The following TRAF4 variants were observed in gnomAD, a reference collection of about 807,000 sequenced individuals.
TRAF4 encodes TNF receptor-associated factor 4.
In TRAF4, 9 loss-of-function variants were observed where a neutral mutation model predicts 47.3. The ratio of observed to expected loss-of-function variants is 0.19; its 90% CI spans 0.11 to 0.33. The LOEUF (loss-of-function observed/expected upper bound fraction) is 0.33, where lower values mean the gene tolerates loss of function less well. Among genes scored for constraint, TRAF4 ranks in the 10% least tolerant of loss-of-function variants. The pLI, the probability that TRAF4 is intolerant of heterozygous loss-of-function variation, is 1.00. For missense variants in TRAF4, 448 were observed against 620.3 expected, an observed-to-expected ratio of 0.72 and a Z score of 2.95; for synonymous variants, 236 against 236.9, an observed-to-expected ratio of 1.00 and a Z score of 0.04.
Position 28,748,088 on chromosome 17 carries a change from T to C in TRAF4, c.372T>C (p.Arg124=), listed in dbSNP as rs1303432241. ...PNRCPMKLSR[R]DLPAHLQHDC... Reference sequence around the variant, plus strand: ...GCTGCCCCATGAAGCTGAGCCGCCGTGATCTACCTGCACACTTGCAGCATG... The same window carrying C: ...GCTGCCCCATGAAGCTGAGCCGCCGCGATCTACCTGCACACTTGCAGCATG... Residue 124 remains arginine, a synonymous_variant, in exon 4 of 7, where the codon CGT becomes CGC. Coordinates refer to ENST00000262395, the MANE Select transcript of TRAF4 (RefSeq NM_004295.4). The C allele has an allele frequency of 1.2e-6, 2 of 1,613,958 alleles. No individual in the cohort carries two copies. Among genetic ancestry groups the C allele is most frequent in the Non-Finnish European group, 8.5e-7 (1 of 1,180,008 alleles).
rs1472235245 is a variant in TRAF4 at position 28,750,620 on chromosome 17, A to G, written c.*1043A>G. On this transcript the variant is annotated 3_prime_UTR_variant, in exon 7 of 7. Transcript: ENST00000262395. ...GGGTGTTGAGCAAAAGGGGCCTTCA[A>G]GATGTTCAAGGCACTTGGATTTTCT... is the stretch of plus-strand genomic sequence containing the variant. The G allele has an allele frequency of 6.6e-6, 1 of 152,162 alleles. No homozygotes were observed. The highest frequency in any genetic ancestry group is 1.5e-5 in the Non-Finnish European group (1 of 68,030). 9.4% of individuals were successfully genotyped at this position (152,162 alleles called of 1,614,324 possible). A position where few individuals can be genotyped will look rare whatever the true frequency, so the allele number is the denominator to read the frequency against.
At chr17:28,746,133 C>T (rs1433516696) in intron 1 of TRAF4, among the ~76,000 whole-genome samples, 1 of 152,216 alleles carries the variant, frequency 6.6e-6, no homozygotes, top group Non-Finnish European at 1.5e-5. Context: ...CTGCCTGGGT[C>T]CTGGAGAGTG....
Position 28,747,228 on chromosome 17 carries a change from G to A in TRAF4, c.159G>A (p.Lys53=), listed in dbSNP as rs140160816. Residue 53 remains lysine (K), a synonymous_variant, in exon 2 of 7, where the codon AAG becomes AAA. Transcript: ENST00000262395. ...LQEFLSEGVF[K]CPEDQLPLDY... is the part of the protein sequence containing the mutation. The stretch of plus-strand genomic sequence containing the variant: ...CCCATTTCAGTGAAGGAGTCTTCAA[G>A]TGCCCTGAGGACCAGCTTCCTCTGG... The A allele has an allele frequency of 2.2e-5, 35 of 1,613,800 alleles. No individual in the cohort carries two copies. Among genetic ancestry groups the A allele is most frequent in the Middle Eastern group, 3.3e-4 (2 of 6,054 alleles).
At chr17:28,747,753 A>C in intron 2 of TRAF4, 90 bp from the exon 3 acceptor site, 1 of 1,291,220 alleles carries the variant, frequency 7.7e-7, no homozygotes, top group Non-Finnish European at 1.1e-6. Context: ...ACAGGCTCCA[A>C]GGTAGAGCCA....
At chr17:28,747,761 C>A in intron 2 of TRAF4, 82 bp from the exon 3 acceptor site, 2 of 1,393,938 alleles carry the variant, frequency 1.4e-6, no homozygotes, top group Non-Finnish European at 2.0e-6. Context: ...CAAGGTAGAG[C>A]CAGCCCAGTT....
rs1475537403 is a variant in TRAF4, at chr17:28,744,035, G to C, written c.-78G>C. On this transcript the variant is annotated 5_prime_UTR_variant, in exon 1 of 7. Coordinates refer to ENST00000262395, the MANE Select transcript of TRAF4 (RefSeq NM_004295.4). The stretch of plus-strand genomic sequence containing the variant: ...CAGTCGGCGCCGCCCGGAGCCGGGA[G>C]CGCCGCTCCAGCGAGGCGCGGGCTG... 9.5e-7 allele frequency: 1 copy of C among 1,052,290 alleles called. No individual in the cohort carries two copies. The highest frequency in any genetic ancestry group is 1.1e-6 in the Non-Finnish European group (1 of 876,490). The allele number at this position is 1,052,290 out of a possible 1,614,324, so 65.2% of individuals were successfully genotyped here.
chr17:28,746,425 G>A (rs768958023), intron 1 of TRAF4, among the ~76,000 whole-genome samples: 2 of 152,340 alleles, frequency 1.3e-5, no homozygotes, highest in Middle Eastern at 3.4e-3. Flanking sequence ...AGGAGGGGAC[G>A]GTCACCAGGC....
rs1385557279 is a variant in TRAF4 at position 28,749,878 on chromosome 17, G to A, written c.*301G>A. On this transcript the variant is annotated 3_prime_UTR_variant, in exon 7 of 7. Coordinates refer to ENST00000262395, the MANE Select transcript of TRAF4 (RefSeq NM_004295.4). ...GGTCACACTCTACACGGACTGAGGT[G>A]CCTGCTCAGGTGCTATGTCCCAAGA... 1.4e-6 allele frequency: 1 copy of A among 702,582 alleles called. No individual in the cohort carries two copies. Among genetic ancestry groups the A allele is most frequent in the South Asian group, 1.5e-5 (1 of 67,564 alleles). 43.5% of individuals were successfully genotyped at this position (702,582 alleles called of 1,614,324 possible).
At position 28,747,856 on chromosome 17, in the gene TRAF4, C is replaced by G. The variant is rs150297549; in HGVS notation, c.209C>G (p.Pro70Arg). Residue 70 changes from proline (P) to arginine (R), a missense_variant, in exon 3 of 7, where the codon CCG (proline) becomes CGG (arginine). Coordinates refer to ENST00000262395, the MANE Select transcript of TRAF4 (RefSeq NM_004295.4). ...CCCTACCCCCAGATCTACCCAGACCCGGAGCTGGAAGTACAAGTATTGGGC... is the reference window on the plus strand; with the variant it reads ...CCCTACCCCCAGATCTACCCAGACCGGGAGCTGGAAGTACAAGTATTGGGC... ...PLDYAKIYPDPELEVQVLGLP... is the reference protein window; with the variant it reads ...PLDYAKIYPDRELEVQVLGLP... 1 of 1,613,660 alleles carries G rather than the reference C, an allele frequency of 6.2e-7. No homozygotes were observed. Among genetic ancestry groups the G allele is most frequent in the Middle Eastern group, 1.6e-4 (1 of 6,062 alleles).
chr17:28,746,054 T>G (rs2034508051), intron 1 of TRAF4, among the ~76,000 whole-genome samples: 1 of 152,210 alleles, frequency 6.6e-6, no homozygotes, highest in Non-Finnish European at 1.5e-5. Flanking sequence ...CATTGAAGCA[T>G]GGCCAGTGGT....
chr17:28,747,370 G>T, intron 2 of TRAF4, 106 bp downstream of exon 2: 1 of 1,360,030 alleles, frequency 7.4e-7, no homozygotes, highest in South Asian at 1.4e-5. Context: ...CAAAAGCCTT[G>T]GGATGGTGCG....
chr17:28,749,647 A>C lies in TRAF4; in HGVS notation c.*70A>C. On this transcript the variant is annotated 3_prime_UTR_variant, in exon 7 of 7. Coordinates refer to ENST00000262395, the MANE Select transcript of TRAF4 (RefSeq NM_004295.4). ...AGTCAGGCACTGGCTGAACTTGGAG[A>C]GGGGGCCGGACCCCCGTCAGCTGCT... The C allele has an allele frequency of 1.3e-6, 2 of 1,577,980 alleles. No homozygotes were observed. The highest frequency in any genetic ancestry group is 1.7e-6 in the Non-Finnish European group (2 of 1,161,196).
Position 28,750,622 on chromosome 17 carries a change from A to G in TRAF4, c.*1045A>G, listed in dbSNP as rs1184083142. ...GTGTTGAGCAAAAGGGGCCTTCAAG[A>G]TGTTCAAGGCACTTGGATTTTCTCC... On this transcript the variant is annotated 3_prime_UTR_variant, in exon 7 of 7. Coordinates refer to ENST00000262395, the MANE Select transcript of TRAF4 (RefSeq NM_004295.4). The G allele has an allele frequency of 6.6e-6, 1 of 152,084 alleles. No homozygotes were observed. The highest frequency in any genetic ancestry group is 1.5e-5 in the Non-Finnish European group (1 of 68,030). The allele number at this position is 152,084 out of a possible 1,614,324, so 9.4% of individuals were successfully genotyped here. A position where few individuals can be genotyped will look rare whatever the true frequency, so the allele number is the denominator to read the frequency against.
At position 28,749,452 on chromosome 17, in the gene TRAF4, A is replaced by G. The variant is rs2034568680; in HGVS notation, c.1288A>G (p.Ser430Gly). The G allele has an allele frequency of 6.2e-7, 1 of 1,613,796 alleles. No homozygotes were observed. The highest frequency in any genetic ancestry group is 1.7e-5 in the Admixed American group (1 of 60,012). ...CACGTGGCGGGGCTCCCTGGATGAG[A>G]GTTCTCTGGGCTTTGGTTATCCCAA... ...PGTWRGSLDE[S>G]SLGFGYPKFI... The change falls in exon 7 of 7, where the codon AGT (serine) becomes GGT (glycine). Residue 430 changes from serine (S) to glycine (G), a missense_variant. Ser to Gly is a moderately conservative substitution (Grantham distance 56). Transcript: ENST00000262395.
chr17:28,748,862 G>T (rs1597814316), intron 6 of TRAF4, 83 bp from the exon 7 acceptor site: 3 of 1,513,136 alleles, frequency 2.0e-6, no homozygotes, highest in East Asian at 4.7e-5. Flanking sequence ...CTGCTACCCT[G>T]TACCCACTCC....
chr17:28,749,760 G>C lies in TRAF4; in HGVS notation c.*183G>C, dbSNP rs975697047. On this transcript the variant is annotated 3_prime_UTR_variant, in exon 7 of 7. Transcript: ENST00000262395. ...AATTGGTGCTTCAGCCCTGGCCCCT[G>C]TGGGGAACAGGTCTTGGGGTCATGA... 4.0e-6 allele frequency: 4 copies of C among 1,010,904 alleles called. No individual in the cohort carries two copies. The highest frequency in any genetic ancestry group is 3.2e-5 in the African/African-American group (2 of 62,966). The allele number at this position is 1,010,904 out of a possible 1,614,324, so 62.6% of individuals were successfully genotyped here. A position where few individuals can be genotyped will look rare whatever the true frequency, so the allele number is the denominator to read the frequency against.
At chr17:28,744,768 C>T (rs2151736247) in intron 1 of TRAF4, 1 of 157,692 alleles carries the variant, frequency 6.3e-6, no homozygotes, top group South Asian at 1.6e-4. Context: ...AAAGGCTTAA[C>T]TAGGATTTAA....
At chr17:28,747,428 G>A (rs2034532171) in intron 2 of TRAF4, 164 bp downstream of exon 2, 6 of 818,196 alleles carry the variant, frequency 7.3e-6, no homozygotes, top group Non-Finnish European at 1.1e-5. Context: ...GTTTGCAAAC[G>A]AGGCCCCTGT....
chr17:28,744,308 G>A, intron 1 of TRAF4, 53 bp downstream of exon 1: 2 of 1,464,720 alleles, frequency 1.4e-6, no homozygotes, highest in South Asian at 1.2e-5. Context: ...GGGGGGCGCC[G>A]CCTGGGGAGG....
Sources: gnomAD v4.1 joint callset for allele counts (sites outside exome capture counted in the v4.1 genomes callset) on GRCh38, gnomAD v4.1.1 for gene constraint, MANE v1.5 for transcripts, NCBI Gene and HGNC (gene_info 2026-07-23, HGNC 2026-07-21) for gene names.